The following PPP2R5C variants were observed in gnomAD, a reference collection of about 807,000 sequenced individuals.
The protein encoded by PPP2R5C is serine/threonine-protein phosphatase 2A 56 kDa regulatory subunit gamma isoform.
In PPP2R5C, 7 loss-of-function variants were observed where a neutral mutation model predicts 68.9. The observed-to-expected ratio is 0.10, with a 90% CI of 0.06 to 0.19. PPP2R5C has a LOEUF of 0.19. Ranked by LOEUF, PPP2R5C falls within the 10% of genes least tolerant of loss-of-function variation. PPP2R5C has a pLI of 1.00. For missense variants in PPP2R5C, 348 were observed against 641.3 expected (o/e 0.54, Z 4.94); for synonymous variants, 210 against 222.2 (o/e 0.95, Z 0.49).
In PPP2R5C at chr14:101,825,592, A is replaced by G. The variant is rs2040352143; in HGVS notation, c.94+15556A>G. ...TCAGTCACCACTCCACCTCCTAGCC[A>G]GGGTGTCACTCCAATTCCATCATTC... On this transcript the variant is annotated intron_variant, in intron 1 of 13. Transcript: ENST00000334743. The surrounding 1 kb of genome is among the most constrained non-coding windows in gnomAD (Gnocchi z 4.0). Among the ~76,000 whole-genome samples, 1 of 152,180 alleles carries G rather than the reference A, an allele frequency of 6.6e-6. No homozygotes were observed.
chr14:101,809,741 C>A, upstream of PPP2R5C: 2 of 1,131,918 alleles, frequency 1.8e-6, no homozygotes, highest in Non-Finnish European at 2.3e-6. Context: ...CCAAACAGAA[C>A]GCTCTTTCCG....
At chr14:101,792,204 G>A (rs540842521) in intron 3 of PPP2R5C, among the ~76,000 whole-genome samples, 1 of 152,344 alleles carries the variant, frequency 6.6e-6, no homozygotes, top group South Asian at 2.1e-4. Context: ...GCCTCTGGTT[G>A]CCTATCATCA....
At chr14:101,793,444 C>G (rs2038457608) in intron 3 of PPP2R5C, among the ~76,000 whole-genome samples, 1 of 152,254 alleles carries the variant, frequency 6.6e-6, no homozygotes, top group South Asian at 2.1e-4. Flanking sequence ...TGGGAACTAG[C>G]TGGCCCCTTC....
At chr14:101,863,492 A>G (rs539655501) in intron 2 of PPP2R5C, among the ~76,000 whole-genome samples, 13 of 152,162 alleles carry the variant, frequency 8.5e-5, no homozygotes, top group Non-Finnish European at 1.9e-4. Context: ...AGGATTTGCA[A>G]CCGTTTTGAG....
intron 3 of PPP2R5C, among the ~76,000 whole-genome samples, chr14:101,791,349 GA>G (rs1555381806): frequency 5.9e-5 from 9 of 152,058 alleles, no homozygotes; most frequent in Non-Finnish European, 2.9e-5. Context: ...CTTCTTTGAT[GA>G]GATGTCTTTT....
intron 1 of PPP2R5C, among the ~76,000 whole-genome samples, chr14:101,856,059 G>C (rs1290294993): frequency 6.6e-6 from 1 of 152,212 alleles, no homozygotes; most frequent in Non-Finnish European, 1.5e-5. Context: ...GAAATGCAGT[G>C]TGCTTGGTGG....
intron 2 of PPP2R5C, among the ~76,000 whole-genome samples, chr14:101,862,206 G>A (rs747146688): frequency 2.6e-5 from 4 of 152,154 alleles, no homozygotes; most frequent in Non-Finnish European, 4.4e-5. Context: ...ATGAACTATC[G>A]CACCCAGCCA....
chr14:101,873,092 T>C (rs2043526925), intron 2 of PPP2R5C, among the ~76,000 whole-genome samples: 1 of 152,194 alleles, frequency 6.6e-6, no homozygotes, highest in African/African-American at 2.4e-5. Context: ...TAGAGATCTG[T>C]GGGTACATAT....
At position 101,877,539 on chromosome 14, in the gene PPP2R5C, C is replaced by T. The variant is rs2043860508; in HGVS notation, c.295-4622C>T. Among the ~76,000 whole-genome samples the T allele has an allele frequency of 6.6e-6, 1 of 152,108 alleles. No homozygotes were observed. The highest frequency in any genetic ancestry group is 2.4e-5 in the African/African-American group (1 of 41,408). ...TTGATGTCTTCTCTGTTTCCTCAGA[C>T]CGGATCCATGCATCCAGGTAGCATG... On this transcript the variant is annotated intron_variant, in intron 2 of 13. Coordinates refer to ENST00000334743, the Ensembl canonical transcript of PPP2R5C. The surrounding 1 kb of genome is among the most constrained non-coding windows in gnomAD (Gnocchi z 4.2).
intron 9 of PPP2R5C, 24 bp downstream of exon 11, chr14:101,901,913 A>G: frequency 6.2e-7 from 1 of 1,604,402 alleles, no homozygotes; most frequent in Non-Finnish European, 8.5e-7. Context: ...GGGGGACCTG[A>G]TTAAATTCTT....
At chr14:101,889,984 G>A (rs962325983) in intron 5 of PPP2R5C, 8 of 589,426 alleles carry the variant, frequency 1.4e-5, no homozygotes, top group Non-Finnish European at 2.2e-5. Context: ...TTTCCTAGAT[G>A]CTTGAAATTT....
chr14:101,924,100 G>A (rs2047156903), intron 13 of PPP2R5C, among the ~76,000 whole-genome samples: 1 of 152,104 alleles, frequency 6.6e-6, no homozygotes, highest in Non-Finnish European at 1.5e-5. Flanking sequence ...ATCATGTTTG[G>A]GTGATTTAGA....
intron 1 of PPP2R5C, chr14:101,836,154 T>TG: frequency 2.5e-6 from 1 of 397,266 alleles, no homozygotes; most frequent in East Asian, 4.7e-5. Context: ...AGCTGAAAGG[T>TG]TTTTTTTTTT....
chr14:101,809,405 C>CA (rs375238074), upstream of PPP2R5C, among the ~76,000 whole-genome samples: 1,345 of 136,868 alleles, frequency 9.8e-3, 20 homozygotes, highest in East Asian at 0.068. Context: ...AAAAAAAAAA[C>CA]AAAAAAAAAA....
chr14:101,854,755 T>C (rs1393680151), intron 1 of PPP2R5C, among the ~76,000 whole-genome samples: 1 of 152,262 alleles, frequency 6.6e-6, no homozygotes, highest in Admixed American at 6.5e-5. Flanking sequence ...TATGTGAATT[T>C]AGCTATTGCT....
At chr14:101,905,479 C>T (rs2045972799) in intron 9 of PPP2R5C, among the ~76,000 whole-genome samples, 2 of 151,928 alleles carry the variant, frequency 1.3e-5, no homozygotes, top group African/African-American at 4.8e-5. Context: ...ACCAACATGG[C>T]AAAACCCTGT....
chr14:101,922,196 G>A (rs2047044016), intron 13 of PPP2R5C: 1 of 985,212 alleles, frequency 1.0e-6, no homozygotes, highest in Non-Finnish European at 1.2e-6. Flanking sequence ...AAAGAAATTT[G>A]GCAGCTGGGA....
chr14:101,853,920 T>C (rs1332588069), intron 1 of PPP2R5C, among the ~76,000 whole-genome samples: 2 of 152,092 alleles, frequency 1.3e-5, no homozygotes, highest in African/African-American at 4.8e-5. Flanking sequence ...AATGTGAGAA[T>C]GCCAAACAGC....
At chr14:101,876,284 C>A (rs775551253) in intron 2 of PPP2R5C, among the ~76,000 whole-genome samples, 10 of 152,244 alleles carry the variant, frequency 6.6e-5, no homozygotes, top group Non-Finnish European at 1.5e-4. Flanking sequence ...TTGATGGATT[C>A]ATCTGTTATA....
Sources: allele counts gnomAD v4.1 joint callset (sites outside exome capture counted in the v4.1 genomes callset), GRCh38; gene constraint gnomAD v4.1.1; non-coding constraint Gnocchi (gnomAD v3.1); transcripts MANE v1.5; gene names NCBI Gene and HGNC (gene_info 2026-07-23, HGNC 2026-07-21).